DPP10: variants seen among roughly 807,000 people sequenced by gnomAD.
The protein encoded by DPP10 is dipeptidyl peptidase like 10.
Under a neutral mutation model 120.9 loss-of-function variants are expected in DPP10, and 33 were observed. The observed-to-expected ratio is 0.27, with a 90% CI of 0.21 to 0.37. The LOEUF (loss-of-function observed/expected upper bound fraction) is 0.37, where lower values mean the gene tolerates loss of function less well. Among genes scored for constraint, DPP10 ranks in the 10% least tolerant of loss-of-function variants. The pLI is 1.00. For synonymous variants in DPP10, 337 were observed against 326.1 expected (o/e 1.03, Z -0.36); for missense variants, 816 against 942.8 (o/e 0.87, Z 1.76).
chr2:114,768,465 A>G (rs1444812278), intron 1 of DPP10, among the ~76,000 whole-genome samples: 2 of 152,222 alleles, frequency 1.3e-5, no homozygotes, highest in Non-Finnish European at 2.9e-5. Context: ...ATAATGTTTC[A>G]TGTAAGTCAG....
At position 115,778,561 on chromosome 2, in the gene DPP10, C is replaced by T. The variant is rs543531222; in HGVS notation, c.1361+727C>T. ...ACCTATTAATTCTAGACTTTATATA[C>T]ATGTTCTAATTTCCATTTCACAGAT... On this transcript the variant is annotated intron_variant, in intron 15 of 25. Coordinates refer to ENST00000410059, the MANE Select transcript of DPP10 (RefSeq NM_020868.6). Among the ~76,000 whole-genome samples the T allele has an allele frequency of 5.1e-4, 77 of 152,168 alleles. 1 individual carries two copies. Among genetic ancestry groups the T allele is most frequent in the African/African-American group, 1.4e-3 (57 of 41,538 alleles).
chr2:114,507,924 A>G (rs1354810827), intron 1 of DPP10, among the ~76,000 whole-genome samples: 1 of 152,228 alleles, frequency 6.6e-6, no homozygotes, highest in African/African-American at 2.4e-5. Context: ...TAAGCATAGT[A>G]ATTGATATAT....
chr2:115,750,287 C>T, intron 10 of DPP10: 2 of 803,738 alleles, frequency 2.5e-6, no homozygotes, highest in Non-Finnish European at 3.0e-6. Context: ...AGATGTACAC[C>T]TAGGCTCCTG....
intron 1 of DPP10, among the ~76,000 whole-genome samples, chr2:114,902,380 T>A (rs1001294816): frequency 6.6e-6 from 1 of 152,210 alleles, no homozygotes; most frequent in Non-Finnish European, 1.5e-5. Flanking sequence ...AAATCAAGCA[T>A]TTAAAAATGC....
intron 1 of DPP10, among the ~76,000 whole-genome samples, chr2:115,102,049 C>T (rs1325469537): frequency 1.3e-5 from 2 of 152,196 alleles, no homozygotes; most frequent in Admixed American, 6.5e-5. Context: ...GCTGCTATAA[C>T]AAAATATTAT....
intron 1 of DPP10, among the ~76,000 whole-genome samples, chr2:114,795,319 C>T (rs1390942337): frequency 9.1e-6 from 1 of 109,758 alleles, no homozygotes; most frequent in African/African-American, 2.8e-5. Context: ...CCCACCTCTA[C>T]TAAAAATTAA....
At position 114,797,216 on chromosome 2, in the gene DPP10, C is replaced by G. The variant is rs376844114; in HGVS notation, c.60+354378C>G. ...CATCCTATGTCCAGAGGAACCAAGA[C>G]CAGAAAGCTGTTTCAGAGTTGAATA... is the stretch of plus-strand genomic sequence containing the variant. On this transcript the variant is annotated intron_variant, in intron 1 of 25. Coordinates refer to ENST00000410059, the MANE Select transcript of DPP10 (RefSeq NM_020868.6). Among the ~76,000 whole-genome samples, 7 of 152,164 alleles carry G rather than the reference C, an allele frequency of 4.6e-5. No individual in the cohort carries two copies. In the East Asian group the frequency reaches 1.3e-3, roughly 29 times the overall value.
chr2:114,854,078 G>A (rs76594710), intron 1 of DPP10, among the ~76,000 whole-genome samples: 2 of 152,276 alleles, frequency 1.3e-5, no homozygotes, highest in African/African-American at 2.4e-5. Flanking sequence ...TTATGCATCA[G>A]TAGATGTTTA....
chr2:115,329,076 A>G (rs929493972), intron 2 of DPP10, among the ~76,000 whole-genome samples: 2 of 152,002 alleles, frequency 1.3e-5, no homozygotes, highest in Non-Finnish European at 2.9e-5. Flanking sequence ...TGTTTTATGT[A>G]CTCAGTATGA....
At chr2:114,863,075 C>T (rs184918632) in intron 1 of DPP10, among the ~76,000 whole-genome samples, 127 of 152,202 alleles carry the variant, frequency 8.3e-4, no homozygotes, top group Middle Eastern at 6.8e-3. Context: ...CACACGCACA[C>T]ATGTGTAGGC....
intron 2 of DPP10, among the ~76,000 whole-genome samples, chr2:115,313,703 A>T (rs566359491): frequency 6.6e-6 from 1 of 152,242 alleles, no homozygotes; most frequent in Admixed American, 6.5e-5. Flanking sequence ...AGTTTGACAC[A>T]TGTGCCTTAA....
intron 4 of DPP10, among the ~76,000 whole-genome samples, chr2:115,513,886 A>G (rs138597710): frequency 3.3e-5 from 5 of 152,088 alleles, no homozygotes; most frequent in African/African-American, 1.2e-4. Context: ...TCAAGTGACT[A>G]TTTATTGTCA....
chr2:115,831,809 T>C (rs1315020687), intron 21 of DPP10, among the ~76,000 whole-genome samples: 3 of 152,180 alleles, frequency 2.0e-5, no homozygotes, highest in Admixed American at 1.3e-4. Flanking sequence ...AACATAAACT[T>C]GTTAAACTTT....
At chr2:115,714,747 T>C (rs1244663502) in intron 7 of DPP10, among the ~76,000 whole-genome samples, 1 of 152,176 alleles carries the variant, frequency 6.6e-6, no homozygotes, top group African/African-American at 2.4e-5. Context: ...AAAAATCTAC[T>C]GGATGGGCGC....
chr2:114,952,697 T>C (rs1485376608), intron 1 of DPP10, among the ~76,000 whole-genome samples: 1 of 152,188 alleles, frequency 6.6e-6, no homozygotes, highest in East Asian at 1.9e-4. Flanking sequence ...GAATACAACA[T>C]GTGTTGGGGA....
chr2:115,781,537 C>T (rs1267154841), intron 16 of DPP10, among the ~76,000 whole-genome samples: 1 of 151,972 alleles, frequency 6.6e-6, no homozygotes, highest in Admixed American at 6.6e-5. Flanking sequence ...TCATAGAAAT[C>T]ATTTTCCTTT....
intron 1 of DPP10, among the ~76,000 whole-genome samples, chr2:114,718,760 C>T (rs1413374120): frequency 6.6e-6 from 1 of 152,122 alleles, no homozygotes; most frequent in Non-Finnish European, 1.5e-5. Flanking sequence ...GTAAGGTGAG[C>T]TAGTCATAGA....
At chr2:114,556,670 A>C (rs1043255678) in intron 1 of DPP10, among the ~76,000 whole-genome samples, 1 of 152,132 alleles carries the variant, frequency 6.6e-6, no homozygotes, top group Non-Finnish European at 1.5e-5. Context: ...AGAGCAACTA[A>C]AGAAAGTGTA....
At chr2:114,742,912 C>G (rs1254961097) in intron 1 of DPP10, among the ~76,000 whole-genome samples, 1 of 152,162 alleles carries the variant, frequency 6.6e-6, no homozygotes, top group Non-Finnish European at 1.5e-5. Context: ...AAGTTTTAGT[C>G]CTTGCCATAT....
Sources: allele counts gnomAD v4.1 joint callset (sites outside exome capture counted in the v4.1 genomes callset), GRCh38; gene constraint gnomAD v4.1.1; transcripts MANE v1.5; gene names NCBI Gene and HGNC (gene_info 2026-07-23, HGNC 2026-07-21).